The following FAM234A variants were observed in gnomAD, a reference collection of about 807,000 sequenced individuals.
The protein encoded by FAM234A is protein FAM234A.
Under a neutral mutation model 49.1 loss-of-function variants are expected in FAM234A, and 42 were observed. The observed-to-expected ratio is 0.86, with a 90% CI of 0.67 to 1.11. FAM234A has a LOEUF of 1.11. FAM234A is among the 50% of genes least tolerant of loss of function. FAM234A has a pLI of 0.00. For missense variants in FAM234A, 815 were observed against 745.2 expected (o/e 1.09, Z -1.09); for synonymous variants, 369 against 316.2 (o/e 1.17, Z -1.77).
In FAM234A at chr16:263,376, G is replaced by T; in HGVS notation, c.1086G>T (p.Trp362Cys). The T allele has an allele frequency of 6.2e-7, 1 of 1,611,292 alleles. No homozygotes were observed. Among genetic ancestry groups the T allele is most frequent in the Non-Finnish European group, 8.5e-7 (1 of 1,179,982 alleles). ...ACGGGCAGGAGCTGACGCCTCGCTG[G>T]ACACCCAAGGCAGCCCATGTCCTGA... ...LLDGQELTPR[W>C]TPKAAHVLRK... Residue 362 changes from tryptophan to cysteine, a missense_variant, in exon 9 of 13, where the codon TGG becomes TGT. Physicochemically the swap from Trp to Cys is radical, Grantham distance 215. Coordinates refer to ENST00000399932, the MANE Select transcript of FAM234A (RefSeq NM_032039.4).
intron 3 of FAM234A, 71 bp from the exon 4 acceptor site, chr16:259,412 C>A (rs564026031): frequency 2.2e-4 from 184 of 850,026 alleles, no homozygotes; most frequent in Middle Eastern, 2.0e-3. Context: ...AGAAGTAGGT[C>A]GTGCTGGACC....
chr16:264,141 C>T lies in FAM234A; in HGVS notation c.1314C>T (p.Gly438=), dbSNP rs542200430. The T allele has an allele frequency of 1.9e-6, 3 of 1,607,302 alleles. No homozygotes were observed. In the African/African-American group the frequency reaches 4.0e-5, roughly 21 times the overall value. The change falls in exon 11 of 13, where the codon GGC becomes GGT. Residue 438 remains glycine (G), a synonymous_variant. Coordinates refer to ENST00000399932, the MANE Select transcript of FAM234A (RefSeq NM_032039.4). The part of the protein sequence containing the change: ...ADHRSAFFFW[G]LHELGSTSET... ...ACCGCTCAGCCTTCTTCTTCTGGGG[C>T]CTCCACGAGCTGGGGAGCACCAGCG...
At chr16:259,665 C>T in intron 4 of FAM234A, 66 bp downstream of exon 4, 2 of 1,018,868 alleles carry the variant, frequency 2.0e-6, no homozygotes, top group Non-Finnish European at 3.1e-6. Flanking sequence ...TTTTGGGTCA[C>T]CCTCTCGCTT....
intron 1 of FAM234A, among the ~76,000 whole-genome samples, chr16:237,851 G>A (rs183647311): frequency 9.9e-4 from 149 of 151,258 alleles, no homozygotes; most frequent in Non-Finnish European, 1.8e-3. Context: ...CTACAAGCAC[G>A]TACTACCACG....
intron 1 of FAM234A, among the ~76,000 whole-genome samples, chr16:236,632 C>T (rs368154748): frequency 2.7e-5 from 4 of 149,896 alleles, no homozygotes; most frequent in East Asian, 4.0e-4. Flanking sequence ...ATAGGCCGGG[C>T]GCGGTGGCTC....
intron 1 of FAM234A, chr16:248,491 C>G (rs1216079368): frequency 6.6e-6 from 1 of 151,908 alleles, no homozygotes; most frequent in East Asian, 1.9e-4. Context: ...AGATTGTATA[C>G]TTTATATACT....
chr16:268,178 TACAC>T (rs765582730), downstream of FAM234A: 3 of 168,918 alleles, frequency 1.8e-5, no homozygotes, highest in South Asian at 1.5e-4. Flanking sequence ...ACACGTGCAC[TACAC>T]ACAATCACAC....
chr16:262,343 G>C, intron 7 of FAM234A, 81 bp from the exon 8 acceptor site: 1 of 1,558,768 alleles, frequency 6.4e-7, no homozygotes. Context: ...CAGGGGCCTG[G>C]CTCCATGTGG....
At chr16:235,314 C>T (rs4141288) in intron 1 of FAM234A, among the ~76,000 whole-genome samples, 56,604 of 151,930 alleles carry the variant, frequency 0.37, 11,371 homozygotes, top group Non-Finnish European at 0.44. Context: ...GTCGGAGAGG[C>T]GTGTCCTCTC....
chr16:257,236 CTTTTTTTTTTT>C (rs759071082), intron 3 of FAM234A, among the ~76,000 whole-genome samples: 7 of 89,014 alleles, frequency 7.9e-5, no homozygotes, highest in South Asian at 7.3e-4. Context: ...TCAATGAAGT[CTTTTTTTTTTT>C]TTTTTTTTTT....
intron 1 of FAM234A, among the ~76,000 whole-genome samples, chr16:244,260 G>A (rs113627759): frequency 6.6e-4 from 101 of 152,314 alleles, no homozygotes; most frequent in African/African-American, 1.9e-3. Flanking sequence ...GAGCCACCGC[G>A]CCCGGTCGGA....
chr16:248,859 G>A (rs748811946), intron 1 of FAM234A, among the ~76,000 whole-genome samples: 19 of 151,828 alleles, frequency 1.3e-4, no homozygotes, highest in Non-Finnish European at 1.9e-4. Context: ...AGGCTCAAGC[G>A]ACCCACCTGC....
At chr16:239,238 T>G (rs1278978983) in intron 1 of FAM234A, among the ~76,000 whole-genome samples, 5 of 135,620 alleles carry the variant, frequency 3.7e-5, no homozygotes, top group Non-Finnish European at 7.8e-5. Context: ...AGGCAGAGGT[T>G]GCAGTGAGCT....
downstream of FAM234A, chr16:268,827 C>G (rs759918872): frequency 1.0e-5 from 16 of 1,550,406 alleles, no homozygotes; most frequent in Non-Finnish European, 1.2e-5. Flanking sequence ...GAGCTCGCGC[C>G]GAGACCTGCA....
downstream of FAM234A, chr16:269,363 C>G (rs1199774323): frequency 6.2e-7 from 1 of 1,603,586 alleles, no homozygotes; most frequent in Non-Finnish European, 8.5e-7. Flanking sequence ...GTGCCGTGGC[C>G]TCCACGTAAA....
At position 260,075 on chromosome 16, in the gene FAM234A, G is replaced by T. The variant is rs2051398036; in HGVS notation, c.492G>T (p.Val164=). The T allele has an allele frequency of 6.2e-7, 1 of 1,613,790 alleles. No homozygotes were observed. The highest frequency in any genetic ancestry group is 8.5e-7 in the Non-Finnish European group (1 of 1,180,032). ...ACGTGGCCCTCGTGGAGTGTGCTGT[G>T]CCCCAGCCAAGAGGCAGTGAGGCAC... ...AQDVALVECA[V]PQPRGSEAPS... is the part of the protein sequence containing the mutation. Residue 164 remains valine, a synonymous_variant, in exon 5 of 13, where the codon GTG becomes GTT. Transcript: ENST00000399932.
chr16:260,188 A>G (rs749126400), intron 5 of FAM234A, 28 bp downstream of exon 5: 10 of 1,605,028 alleles, frequency 6.2e-6, no homozygotes, highest in Non-Finnish European at 7.7e-6. Context: ...CGGGGTTCTC[A>G]CTGAGGGCCT....
Position 261,501 on chromosome 16 carries a change from A to G in FAM234A, c.695A>G (p.Gln232Arg). ...DGAPDLLVLT[Q>R]EREEVSGHLY... Reference sequence around the variant, plus strand: ...GCCCCAGACCTGCTGGTTCTCACCCAGGAGCGGGAGGAGGTACATCCCAGC... The same window carrying G: ...GCCCCAGACCTGCTGGTTCTCACCCGGGAGCGGGAGGAGGTACATCCCAGC... The change falls in exon 6 of 13, where the codon CAG (glutamine) becomes CGG (arginine). Residue 232 changes from glutamine to arginine, a missense_variant. By Grantham distance (43) the Gln-to-Arg change is conservative (BLOSUM62 1). Transcript: ENST00000399932. 6.2e-7 allele frequency: 1 copy of G among 1,604,716 alleles called. No homozygotes were observed. The highest frequency in any genetic ancestry group is 8.5e-7 in the Non-Finnish European group (1 of 1,176,454).
chr16:240,359 A>G (rs1400729101), intron 1 of FAM234A: 1 of 152,226 alleles, frequency 6.6e-6, no homozygotes, highest in African/African-American at 2.4e-5. Flanking sequence ...GGCCTTAAAT[A>G]GCTTTCTTTC....
Sources: gnomAD v4.1 joint callset for allele counts (sites outside exome capture counted in the v4.1 genomes callset) on GRCh38, gnomAD v4.1.1 for gene constraint, MANE v1.5 for transcripts, NCBI Gene and HGNC (gene_info 2026-07-23, HGNC 2026-07-21) for gene names.